EEFSEC: variants seen among roughly 807,000 people sequenced by gnomAD.
The protein encoded by EEFSEC is eukaryotic elongation factor, selenocysteine-tRNA specific, also known as selenocysteine-specific elongation factor.
Under a neutral mutation model 42.1 loss-of-function variants are expected in EEFSEC, and 43 were observed. That is an observed-to-expected ratio of 1.02 (90% CI 0.80 to 1.32). The LOEUF (loss-of-function observed/expected upper bound fraction) is 1.32. EEFSEC is among the 40% of genes most tolerant of loss of function. The pLI is 0.00. For synonymous variants in EEFSEC, 354 were observed against 339.1 expected (o/e 1.04, Z -0.48); for missense variants, 745 against 803.6 (o/e 0.93, Z 0.88).
At chr3:128,312,567 G>A (rs1035756591) in intron 4 of EEFSEC, among the ~76,000 whole-genome samples, 3 of 152,254 alleles carry the variant, frequency 2.0e-5, no homozygotes, top group Non-Finnish European at 4.4e-5. Context: ...GAAGGACAGA[G>A]GCGTCCATGG....
intron 4 of EEFSEC, among the ~76,000 whole-genome samples, chr3:128,288,915 T>C (rs1361451610): frequency 1.3e-5 from 2 of 152,210 alleles, no homozygotes; most frequent in Non-Finnish European, 2.9e-5. Context: ...CGTTGGTGCC[T>C]GGAGGTATAG....
intron 1 of EEFSEC, among the ~76,000 whole-genome samples, chr3:128,170,133 CCCCCG>C (rs1388292109): frequency 4.6e-4 from 70 of 152,124 alleles, no homozygotes; most frequent in Non-Finnish European, 1.9e-4. Flanking sequence ...AGCTCCTCAC[CCCCCG>C]CCCCGCCTCC....
intron 6 of EEFSEC, among the ~76,000 whole-genome samples, chr3:128,388,393 C>G (rs2067868004): frequency 6.6e-6 from 1 of 152,256 alleles, no homozygotes; most frequent in African/African-American, 2.4e-5. Context: ...CCTTCGAGCT[C>G]CTCCAGGGTG....
At chr3:128,397,801 G>T (rs755590020) in intron 6 of EEFSEC, among the ~76,000 whole-genome samples, 8 of 152,288 alleles carry the variant, frequency 5.3e-5, no homozygotes, top group Non-Finnish European at 1.0e-4. Flanking sequence ...CTGGCCCATG[G>T]ATGGGGGGCA....
intron 1 of EEFSEC, among the ~76,000 whole-genome samples, chr3:128,196,874 A>G (rs1359321230): frequency 1.3e-5 from 2 of 152,190 alleles, no homozygotes; most frequent in African/African-American, 4.8e-5. Flanking sequence ...CACTCAGCAA[A>G]TAGTTGCCAT....
chr3:128,174,000 A>G (rs1401840874), intron 1 of EEFSEC, among the ~76,000 whole-genome samples: 1 of 152,132 alleles, frequency 6.6e-6, no homozygotes, highest in Non-Finnish European at 1.5e-5. Flanking sequence ...AGTGAGAGGA[A>G]TGGTGGGGAC....
At chr3:128,367,591 A>T in intron 6 of EEFSEC, 1 of 970,148 alleles carries the variant, frequency 1.0e-6, no homozygotes, top group Non-Finnish European at 1.2e-6. Context: ...CACAAGGCCT[A>T]CCTCAGGGAT....
chr3:128,375,978 T>A (rs56714568), intron 6 of EEFSEC, among the ~76,000 whole-genome samples: 10,804 of 152,282 alleles, frequency 0.071, 791 homozygotes, highest in African/African-American at 0.19. Flanking sequence ...GATTGACCCA[T>A]GTGCCTGAAA....
chr3:128,251,937 A>C (rs1244220506), intron 2 of EEFSEC, among the ~76,000 whole-genome samples: 2 of 152,260 alleles, frequency 1.3e-5, no homozygotes, highest in Non-Finnish European at 2.9e-5. Context: ...AATGCATCAA[A>C]TTAAAGTGTT....
At chr3:128,263,878 G>A (rs1446125765) in intron 3 of EEFSEC, among the ~76,000 whole-genome samples, 3 of 152,184 alleles carry the variant, frequency 2.0e-5, no homozygotes, top group African/African-American at 7.2e-5. Context: ...AGGACCCTGG[G>A]AACAATCCTT....
chr3:128,308,768 G>A (rs750437636), intron 4 of EEFSEC, among the ~76,000 whole-genome samples: 2 of 152,146 alleles, frequency 1.3e-5, no homozygotes, highest in Non-Finnish European at 2.9e-5. Flanking sequence ...GGAACACAAG[G>A]CTCCTTGGAA....
At chr3:128,169,874 C>T (rs1331420105) in intron 1 of EEFSEC, among the ~76,000 whole-genome samples, 1 of 152,236 alleles carries the variant, frequency 6.6e-6, no homozygotes, top group East Asian at 1.9e-4. Context: ...CCTGCATAGC[C>T]TCACAGAGCA....
At chr3:128,418,347 C>T in the EEFSEC span, among the ~76,000 whole-genome samples, 7 of 152,172 alleles carry the variant, frequency 4.6e-5, no homozygotes, top group Non-Finnish European at 7.4e-5. Context: ...CCCAGGACTC[C>T]ACGCACCCAC....
chr3:128,287,254 G>A (rs2066595447), intron 4 of EEFSEC, among the ~76,000 whole-genome samples: 1 of 152,142 alleles, frequency 6.6e-6, no homozygotes, highest in South Asian at 2.1e-4. Flanking sequence ...GGCTGAGGTG[G>A]AGATGAGCTC....
At chr3:128,154,755 A>T (rs1429868148) in intron 1 of EEFSEC, among the ~76,000 whole-genome samples, 1 of 152,202 alleles carries the variant, frequency 6.6e-6, no homozygotes, top group Admixed American at 6.5e-5. Context: ...GGCCTGTACC[A>T]ACATTTTCTG....
chr3:128,421,142 G>A, the EEFSEC span, among the ~76,000 whole-genome samples: 1 of 152,148 alleles, frequency 6.6e-6, no homozygotes, highest in Non-Finnish European at 1.5e-5. Context: ...CCAGCAAGGT[G>A]TGCCAAAGGC....
intron 2 of EEFSEC, among the ~76,000 whole-genome samples, chr3:128,259,349 T>C (rs1666395946): frequency 6.6e-6 from 1 of 152,258 alleles, no homozygotes; most frequent in South Asian, 2.1e-4. Context: ...TGGTTCAATA[T>C]TGTATGGCTT....
intron 6 of EEFSEC, among the ~76,000 whole-genome samples, chr3:128,404,869 A>C (rs1472002991): frequency 1.3e-5 from 2 of 152,050 alleles, no homozygotes; most frequent in African/African-American, 2.4e-5. Flanking sequence ...TATCAGCTGC[A>C]TGTCCTCAGT....
chr3:128,311,090 A>T (rs2066885184), intron 4 of EEFSEC, among the ~76,000 whole-genome samples: 1 of 152,282 alleles, frequency 6.6e-6, no homozygotes, highest in Non-Finnish European at 1.5e-5. Context: ...TATCCTTCTA[A>T]GAAAATTTTT....
Sources: gnomAD v4.1 joint callset for allele counts (sites outside exome capture counted in the v4.1 genomes callset) on GRCh38, gnomAD v4.1.1 for gene constraint, MANE v1.5 for transcripts, NCBI Gene and HGNC (gene_info 2026-07-23, HGNC 2026-07-21) for gene names.